Variants in LRP1B observed in about 807,000 individuals in gnomAD.
The protein encoded by LRP1B is LDL receptor related protein 1B.
Under a neutral mutation model 556.6 loss-of-function variants are expected in LRP1B, and 217 were observed. The observed-to-expected ratio is 0.39, with a 90% confidence interval of 0.35 to 0.44. The LOEUF is 0.44. Among genes scored for constraint, LRP1B ranks in the 20% least tolerant of loss-of-function variants. The pLI is 1.00. For missense variants in LRP1B, 5,053 were observed against 5,620.8 expected (o/e 0.90, Z 3.23); for synonymous variants, 2,047 against 1,865.8 (o/e 1.10, Z -2.50).
intron 2 of LRP1B, among the ~76,000 whole-genome samples, chr2:141,489,708 C>T (rs1683261339): frequency 6.6e-6 from 1 of 151,944 alleles, no homozygotes; most frequent in South Asian, 2.1e-4. Flanking sequence ...AGCTACTTCA[C>T]CTGACAAACT....
chr2:141,335,278 A>G (rs1264324065), intron 3 of LRP1B, among the ~76,000 whole-genome samples: 1 of 152,204 alleles, frequency 6.6e-6, no homozygotes, highest in African/African-American at 2.4e-5. Context: ...AGATGGAACA[A>G]TACTGTTACA....
At chr2:140,326,005 T>C in intron 79 of LRP1B, 127 bp from the exon 80 acceptor site, 1 of 628,652 alleles carries the variant, frequency 1.6e-6, no homozygotes, top group Non-Finnish European at 2.8e-6. Flanking sequence ...AATTACCTGG[T>C]GCCCATCATG....
intron 3 of LRP1B, among the ~76,000 whole-genome samples, chr2:141,478,533 C>T (rs72849615): frequency 6.8e-5 from 10 of 147,270 alleles, no homozygotes; most frequent in South Asian, 4.4e-4. Flanking sequence ...TCCCTCCCTC[C>T]CTCTCTCTCT....
intron 66 of LRP1B, among the ~76,000 whole-genome samples, chr2:140,423,321 C>T (rs1261490207): frequency 1.3e-5 from 2 of 152,020 alleles, no homozygotes; most frequent in Non-Finnish European, 2.9e-5. Context: ...CTGGACAATA[C>T]AAGCTCAGTG....
intron 18 of LRP1B, among the ~76,000 whole-genome samples, chr2:140,969,464 G>A (rs1311624885): frequency 4.7e-5 from 2 of 42,450 alleles, no homozygotes; most frequent in Admixed American, 5.2e-4. Context: ...ACACTGATGG[G>A]TCTTGACTCT....
At chr2:141,244,025 T>G (rs1364127968) in intron 5 of LRP1B, among the ~76,000 whole-genome samples, 3 of 152,186 alleles carry the variant, frequency 2.0e-5, no homozygotes, top group Non-Finnish European at 4.4e-5. Context: ...TGCTATCTAT[T>G]GTCTTGAAAA....
chr2:140,960,651 T>C (rs1696006990), intron 18 of LRP1B, among the ~76,000 whole-genome samples: 2 of 151,954 alleles, frequency 1.3e-5, no homozygotes, highest in Admixed American at 6.6e-5. Context: ...AACCTAGTCA[T>C]GCCTGATAGC....
intron 2 of LRP1B, among the ~76,000 whole-genome samples, chr2:141,681,822 G>A (rs892469740): frequency 2.0e-5 from 3 of 152,180 alleles, no homozygotes; most frequent in East Asian, 3.9e-4. Context: ...TATCTCCCAC[G>A]TCTTACTGTT....
chr2:141,515,924 C>A (rs1684298135), intron 2 of LRP1B, among the ~76,000 whole-genome samples: 1 of 152,158 alleles, frequency 6.6e-6, no homozygotes, highest in Non-Finnish European at 1.5e-5. Context: ...GAAAAACTTA[C>A]ATTCAGCTTT....
chr2:141,117,297 A>G (rs923427176), intron 7 of LRP1B, among the ~76,000 whole-genome samples: 2 of 149,828 alleles, frequency 1.3e-5, no homozygotes, highest in Admixed American at 6.7e-5. Context: ...GAGTTTAAAT[A>G]CTACTGTTCT....
rs1043353908 is a variant in LRP1B, at chr2:141,259,461, A to C, written c.344-4820T>G. On this transcript the variant is annotated intron_variant, in intron 3 of 90. Coordinates refer to ENST00000389484, the MANE Select transcript of LRP1B (RefSeq NM_018557.3). Reference sequence around the variant, plus strand: ...TTGTCTTCTAGCCAATATAACGTAGAGAGTAATTGGTGTGTGCCACTCCTT... The same window carrying C: ...TTGTCTTCTAGCCAATATAACGTAGCGAGTAATTGGTGTGTGCCACTCCTT... 1.7e-4 allele frequency among the ~76,000 whole-genome samples: 26 copies of C among 152,304 alleles called. No individual in the cohort carries two copies. The East Asian group carries it at 4.5e-3, about 26-fold the overall frequency.
intron 2 of LRP1B, among the ~76,000 whole-genome samples, chr2:141,551,418 AC>A (rs1253696815): frequency 3.3e-5 from 5 of 152,034 alleles, no homozygotes; most frequent in African/African-American, 1.2e-4. Flanking sequence ...CTCTTGATTC[AC>A]CATTATAGAA....
At chr2:140,669,732 TA>T (rs143129118) in intron 41 of LRP1B, among the ~76,000 whole-genome samples, 1,803 of 152,180 alleles carry the variant, frequency 0.012, 34 homozygotes, top group African/African-American at 0.041. Flanking sequence ...TGTAACATTA[TA>T]ATAAAATAAA....
intron 85 of LRP1B, among the ~76,000 whole-genome samples, chr2:140,272,690 T>G (rs1337166211): frequency 2.0e-5 from 3 of 152,004 alleles, no homozygotes; most frequent in Admixed American, 2.0e-4. Flanking sequence ...CTAACTTCAT[T>G]TTAATGCTAA....
intron 2 of LRP1B, among the ~76,000 whole-genome samples, chr2:141,657,127 C>T (rs571578704): frequency 6.6e-5 from 10 of 151,974 alleles, no homozygotes; most frequent in African/African-American, 2.4e-4. Context: ...TTCTTTGAGA[C>T]CCAAAATTAT....
intron 1 of LRP1B, among the ~76,000 whole-genome samples, chr2:141,865,208 C>T (rs2105792384): frequency 6.6e-6 from 1 of 152,250 alleles, no homozygotes; most frequent in South Asian, 2.1e-4. Flanking sequence ...TCTCCTCCTT[C>T]CCCACTCTAC....
At chr2:140,946,475 C>A (rs1391583281) in intron 20 of LRP1B, among the ~76,000 whole-genome samples, 1 of 151,934 alleles carries the variant, frequency 6.6e-6, no homozygotes, top group Non-Finnish European at 1.5e-5. Context: ...TGGCTCACAC[C>A]TGTAGTCCCA....
At chr2:140,334,893 G>C (rs904595859) in intron 78 of LRP1B, among the ~76,000 whole-genome samples, 1 of 151,824 alleles carries the variant, frequency 6.6e-6, no homozygotes, top group Non-Finnish European at 1.5e-5. Flanking sequence ...CTCCCCTTTT[G>C]TTTTAACAGA....
chr2:140,571,964 C>A (rs1234981654), intron 43 of LRP1B, among the ~76,000 whole-genome samples: 1 of 151,572 alleles, frequency 6.6e-6, no homozygotes, highest in East Asian at 1.9e-4. Flanking sequence ...GAAACTAGAA[C>A]CTTGTATCTC....
Sources: gnomAD v4.1 joint callset for allele counts (sites outside exome capture counted in the v4.1 genomes callset) on GRCh38, gnomAD v4.1.1 for gene constraint, MANE v1.5 for transcripts, NCBI Gene and HGNC (gene_info 2026-07-23, HGNC 2026-07-21) for gene names.